PPARA: variants seen among roughly 807,000 people sequenced by gnomAD.
PPARA encodes the protein peroxisome proliferator activated receptor alpha, also known as peroxisome proliferator-activated receptor alpha.
In PPARA, 22 loss-of-function variants were observed where a neutral mutation model predicts 42.2. The ratio of observed to expected loss-of-function variants is 0.52; its 90% CI spans 0.37 to 0.74. The LOEUF (loss-of-function observed/expected upper bound fraction) is 0.74, where lower values mean the gene tolerates loss of function less well. Among genes scored for constraint, PPARA ranks in the 30% least tolerant of loss-of-function variants. PPARA has a pLI of 0.00. For missense variants in PPARA, 465 were observed against 608.2 expected (o/e 0.76, Z 2.48); for synonymous variants, 242 against 239.3 (o/e 1.01, Z -0.10).
At chr22:46,151,453 G>A (rs2147075493) in intron 1 of PPARA, among the ~76,000 whole-genome samples, 1 of 152,378 alleles carries the variant, frequency 6.6e-6, no homozygotes, top group East Asian at 1.9e-4. Flanking sequence ...GGTGCCAGTG[G>A]AAGTCAGGAG....
In PPARA at chr22:46,215,346, T is replaced by G. The variant is rs1415641882; in HGVS notation, c.369+13T>G. On this transcript the variant is annotated intron_variant, in intron 5 of 8. Transcript: ENST00000407236. ...TGAAGGCTGCAAGGTAGAGGGGAGC[T>G]GGAACAGGGCCTGGTGGCCGCCACC... 6.2e-7 allele frequency: 1 copy of G among 1,614,106 alleles called. No individual in the cohort carries two copies. The highest frequency in any genetic ancestry group is 1.7e-5 in the Admixed American group (1 of 60,020).
At chr22:46,169,340 A>T (rs978333157) in intron 2 of PPARA, among the ~76,000 whole-genome samples, 3 of 151,852 alleles carry the variant, frequency 2.0e-5, no homozygotes, top group Non-Finnish European at 4.4e-5. Flanking sequence ...GTTCACGCCA[A>T]TCTCCTGCTT....
rs1045468072 is a variant in PPARA, at chr22:46,222,562, G to A, written c.711+2548G>A. 6.6e-6 allele frequency among the ~76,000 whole-genome samples: 1 copy of A among 152,178 alleles called. No homozygotes were observed. The highest frequency in any genetic ancestry group is 1.5e-5 in the Non-Finnish European group (1 of 68,036). On this transcript the variant is annotated intron_variant, in intron 7 of 8. Transcript: ENST00000407236. The surrounding 1 kb of genome is among the most constrained non-coding windows in gnomAD (Gnocchi z 5.9). ...AGTTTCCAGCAGACACCCACACTAG[G>A]CAGCTCCAGAGGCTTGTCCCAATTA...
chr22:46,184,588 C>G lies in PPARA; in HGVS notation c.-43+7752C>G, dbSNP rs1930403721. On this transcript the variant is annotated intron_variant, in intron 3 of 8. Transcript: ENST00000407236. The surrounding 1 kb of genome is among the most constrained non-coding windows in gnomAD (Gnocchi z 4.4). ...TCCAAAAGTATTCTATTTGGCCAGGCACAGTGGCTCACACCTGTAATCCCA... is the reference window on the plus strand; with the variant it reads ...TCCAAAAGTATTCTATTTGGCCAGGGACAGTGGCTCACACCTGTAATCCCA... Among the ~76,000 whole-genome samples, 1 of 152,190 alleles carries G rather than the reference C, an allele frequency of 6.6e-6. No individual in the cohort carries two copies. Among genetic ancestry groups the G allele is most frequent in the Non-Finnish European group, 1.5e-5 (1 of 68,038 alleles).
rs114828354 is a variant in PPARA, at chr22:46,216,800, G to C, written c.370-1463G>C. On this transcript the variant is annotated intron_variant, in intron 5 of 8. Coordinates refer to ENST00000407236, the MANE Select transcript of PPARA (RefSeq NM_005036.6). This position sits in a 1 kb window ranked among gnomAD's most constrained non-coding sequence, Gnocchi z 4.5. ...TGCCAGCTGGACTGGTGGCCCTTCC[G>C]TGTTTGTCAGCGTGGTGATGAGGAG... 2.6e-3 allele frequency among the ~76,000 whole-genome samples: 394 copies of C among 152,310 alleles called. 6 individuals are homozygous for C. Among genetic ancestry groups the C allele is most frequent in the African/African-American group, 9.1e-3 (377 of 41,558 alleles).
At chr22:46,186,346 A>G (rs561181600) in intron 3 of PPARA, among the ~76,000 whole-genome samples, 170 of 152,168 alleles carry the variant, frequency 1.1e-3, no homozygotes, top group African/African-American at 3.9e-3. Context: ...AGCTCAGTTT[A>G]TTCAAGGGTG....
intron 2 of PPARA, among the ~76,000 whole-genome samples, chr22:46,158,793 C>T (rs1407567434): frequency 1.3e-5 from 2 of 152,220 alleles, no homozygotes; most frequent in Non-Finnish European, 2.9e-5. Flanking sequence ...ATATTGCCCT[C>T]TGCCTAGGAT....
Position 46,242,509 on chromosome 22 carries a change from G to A in PPARA, c.*7129G>A, listed in dbSNP as rs930138913. ...TACATTGTGTGGTAAAAAGAACTAC[G>A]TTAATAGCTATATCTTAAATACTGT... On this transcript the variant is annotated 3_prime_UTR_variant, in exon 9 of 9. Transcript: ENST00000407236. The surrounding 1 kb of genome is among the most constrained non-coding windows in gnomAD (Gnocchi z 6.1). 2.0e-5 allele frequency: 3 copies of A among 151,384 alleles called. No homozygotes were observed. Among genetic ancestry groups the A allele is most frequent in the Admixed American group, 1.3e-4 (2 of 15,134 alleles). The allele number at this position is 151,384 out of a possible 1,614,324, so 9.4% of individuals were successfully genotyped here.
At chr22:46,197,075 G>A (rs749589688) in intron 3 of PPARA, among the ~76,000 whole-genome samples, 2 of 150,082 alleles carry the variant, frequency 1.3e-5, no homozygotes, top group African/African-American at 4.9e-5. Context: ...TTTGAGACAC[G>A]GTCTCACTCT....
At position 46,165,353 on chromosome 22, in the gene PPARA, GAC is replaced by G. The variant is rs1343031716; in HGVS notation, c.-126-11398_-126-11397del. 1 of 152,230 alleles carries G rather than the reference GAC, an allele frequency of 6.6e-6. No individual in the cohort carries two copies. Among genetic ancestry groups the G allele is most frequent in the Non-Finnish European group, 1.5e-5 (1 of 68,082 alleles). 9.4% of individuals were successfully genotyped at this position (152,230 alleles called of 1,614,324 possible). A position where few individuals can be genotyped will look rare whatever the true frequency, so the allele number is the denominator to read the frequency against. On this transcript the variant is annotated intron_variant, in intron 2 of 8. Transcript: ENST00000407236. The surrounding 1 kb of genome is among the most constrained non-coding windows in gnomAD (Gnocchi z 5.5). ...CGCCCAGCCAGGGAACTGCATTTCT[GAC>G]AGTGGCTCAGTAGTTTGGAAGTTAA... is the stretch of plus-strand genomic sequence containing the variant.
Position 46,184,864 on chromosome 22 carries a change from A to G in PPARA, c.-43+8028A>G, listed in dbSNP as rs1930450559. On this transcript the variant is annotated intron_variant, in intron 3 of 8. Coordinates refer to ENST00000407236, the MANE Select transcript of PPARA (RefSeq NM_005036.6). The surrounding 1 kb of genome is among the most constrained non-coding windows in gnomAD (Gnocchi z 4.4). ...AGCAAGACTCCGTCTCAAAAAACAA[A>G]AAAAGTATTCTGTTGGATCGTTTGT... 6.6e-6 allele frequency among the ~76,000 whole-genome samples: 1 copy of G among 152,182 alleles called. No individual in the cohort carries two copies. Among genetic ancestry groups the G allele is most frequent in the Non-Finnish European group, 1.5e-5 (1 of 68,040 alleles).
Position 46,225,543 on chromosome 22 carries a change from G to A in PPARA, c.711+5529G>A, listed in dbSNP as rs1601806872. On this transcript the variant is annotated intron_variant, in intron 7 of 8. Coordinates refer to ENST00000407236, the MANE Select transcript of PPARA (RefSeq NM_005036.6). The surrounding 1 kb of genome is among the most constrained non-coding windows in gnomAD (Gnocchi z 4.1). ...CACACTCACACATCCGTGCACACAC[G>A]GGTACACACACATACACGTGCACCC... Among the ~76,000 whole-genome samples the A allele has an allele frequency of 6.6e-6, 1 of 151,900 alleles. No homozygotes were observed. The highest frequency in any genetic ancestry group is 2.4e-5 in the African/African-American group (1 of 41,372).
In PPARA at chr22:46,221,601, C is replaced by G. The variant is rs1372040677; in HGVS notation, c.711+1587C>G. Among the ~76,000 whole-genome samples the G allele has an allele frequency of 1.3e-5, 2 of 152,020 alleles. No individual in the cohort carries two copies. Among genetic ancestry groups the G allele is most frequent in the Non-Finnish European group, 2.9e-5 (2 of 68,008 alleles). ...GATCACGAGGTCAGGAGATCAAGAC[C>G]ATCCTGGCTAACATGGTGAAACACC... is the stretch of plus-strand genomic sequence containing the variant. On this transcript the variant is annotated intron_variant, in intron 7 of 8. Coordinates refer to ENST00000407236, the MANE Select transcript of PPARA (RefSeq NM_005036.6). This position sits in a 1 kb window ranked among gnomAD's most constrained non-coding sequence, Gnocchi z 5.9.
chr22:46,227,674 G>A lies in PPARA; in HGVS notation c.712-4118G>A, dbSNP rs139963417. On this transcript the variant is annotated intron_variant, in intron 7 of 8. Coordinates refer to ENST00000407236, the MANE Select transcript of PPARA (RefSeq NM_005036.6). This position sits in a 1 kb window ranked among gnomAD's most constrained non-coding sequence, Gnocchi z 4.3. ...GGACCAGTGTGGCAGCAAGCGGGGC[G>A]TTCTGCTCTCGGCATGGAGTGATTG... Among the ~76,000 whole-genome samples, 354 of 152,328 alleles carry A rather than the reference G, an allele frequency of 2.3e-3. 2 individuals are homozygous for A. The highest frequency in any genetic ancestry group is 0.014 in the Middle Eastern group (4 of 294).
intron 7 of PPARA, among the ~76,000 whole-genome samples, chr22:46,229,817 C>CAG (rs1935743853): frequency 6.6e-6 from 1 of 152,208 alleles, no homozygotes; most frequent in Admixed American, 6.5e-5. Flanking sequence ...TCCTCAGATG[C>CAG]AGAATCAGGG....
At position 46,160,434 on chromosome 22, in the gene PPARA, C is replaced by T. The variant is rs1925990721; in HGVS notation, c.-127+8464C>T. Among the ~76,000 whole-genome samples, 3 of 151,912 alleles carry T rather than the reference C, an allele frequency of 2.0e-5. No homozygotes were observed. The highest frequency in any genetic ancestry group is 2.0e-4 in the Admixed American group (3 of 15,232). On this transcript the variant is annotated intron_variant, in intron 2 of 8. Transcript: ENST00000407236. This position sits in a 1 kb window ranked among gnomAD's most constrained non-coding sequence, Gnocchi z 4.5. The stretch of plus-strand genomic sequence containing the variant: ...GCCTCAGCCTCCTACATAGCTGGTA[C>T]TACAGGCACGCGCCACCATGCCTGG...
rs988789549 is a variant in PPARA, at chr22:46,220,110, A to G, written c.711+96A>G. On this transcript the variant is annotated intron_variant, in intron 7 of 8. Coordinates refer to ENST00000407236, the MANE Select transcript of PPARA (RefSeq NM_005036.6). ...ACATGTGTTGAATGTTGAGAAAATT[A>G]TATTTATCCCACAGTTAAGCAAAGG... is the stretch of plus-strand genomic sequence containing the variant. 2.9e-6 allele frequency: 4 copies of G among 1,371,764 alleles called. No homozygotes were observed. In the African/African-American group the frequency reaches 5.7e-5, roughly 20 times the overall value. 85.0% of individuals were successfully genotyped at this position (1,371,764 alleles called of 1,614,324 possible).
intron 4 of PPARA, among the ~76,000 whole-genome samples, chr22:46,202,648 T>G (rs1243989346): frequency 1.3e-5 from 2 of 152,030 alleles, no homozygotes; most frequent in Non-Finnish European, 2.9e-5. Flanking sequence ...TATGATCCAA[T>G]TAATGTAAAA....
Position 46,235,506 on chromosome 22 carries a change from A to G in PPARA, c.*126A>G. ...TTAACCTTAGAGCTTGGACAGTCTG[A>G]GCTGTAGGTAACCGGCATATTATTC... is the stretch of plus-strand genomic sequence containing the variant. On this transcript the variant is annotated 3_prime_UTR_variant, in exon 9 of 9. Transcript: ENST00000407236. The surrounding 1 kb of genome is among the most constrained non-coding windows in gnomAD (Gnocchi z 7.0). The G allele has an allele frequency of 1.6e-6, 2 of 1,256,278 alleles. No individual in the cohort carries two copies. The highest frequency in any genetic ancestry group is 2.2e-6 in the Non-Finnish European group (2 of 890,828). The allele number at this position is 1,256,278 out of a possible 1,614,324, so 77.8% of individuals were successfully genotyped here.
Sources: allele counts gnomAD v4.1 joint callset (sites outside exome capture counted in the v4.1 genomes callset), GRCh38; gene constraint gnomAD v4.1.1; non-coding constraint Gnocchi (gnomAD v3.1); transcripts MANE v1.5; gene names NCBI Gene and HGNC (gene_info 2026-07-23, HGNC 2026-07-21).